Variants in RAPGEF1 observed in about 807,000 individuals in gnomAD.
RAPGEF1 encodes the protein Rap guanine nucleotide exchange factor 1.
Under a neutral mutation model 143.3 loss-of-function variants are expected in RAPGEF1, and 33 were observed. That is an observed-to-expected ratio of 0.23 (90% confidence interval 0.17 to 0.31). The LOEUF (loss-of-function observed/expected upper bound fraction) is 0.31, where lower values mean the gene tolerates loss of function less well. RAPGEF1 is among the 10% of genes least tolerant of loss of function. RAPGEF1 has a pLI of 1.00. For missense variants in RAPGEF1, 1,199 were observed against 1,645.4 expected, an observed-to-expected ratio of 0.73 and a Z score of 4.69; for synonymous variants, 629 against 676.5, an observed-to-expected ratio of 0.93 and a Z score of 1.09.
In RAPGEF1 at chr9:131,590,111, A is replaced by G; in HGVS notation, c.2775-133T>C. 1.9e-5 allele frequency: 15 copies of G among 777,700 alleles called. No individual in the cohort carries two copies. The South Asian group carries it at 2.2e-4, about 11-fold the overall frequency. The allele number at this position is 777,700 out of a possible 1,614,324, so 48.2% of individuals were successfully genotyped here. On this transcript the variant is annotated intron_variant, in intron 18 of 26. Coordinates refer to ENST00000683357, the MANE Select transcript of RAPGEF1 (RefSeq NM_001377935.1). ...TGCATGTAAAGCACTGGCATCCAGA[A>G]ACGAGGGCACGGGACTAGCGCAGTG...
intron 1 of RAPGEF1, among the ~76,000 whole-genome samples, chr9:131,737,070 A>G (rs995943690): frequency 5.9e-5 from 9 of 152,222 alleles, no homozygotes; most frequent in Non-Finnish European, 1.3e-4. Context: ...CTTCCTTGGC[A>G]GTTGTAATCT....
At chr9:131,673,606 T>G (rs139946319) in intron 1 of RAPGEF1, among the ~76,000 whole-genome samples, 1 of 152,228 alleles carries the variant, frequency 6.6e-6, no homozygotes, top group African/African-American at 2.4e-5. Flanking sequence ...CTGAGGACCC[T>G]GTGACCCAAA....
At chr9:131,719,878 C>CTT (rs200441011) in intron 1 of RAPGEF1, among the ~76,000 whole-genome samples, 1 of 140,308 alleles carries the variant, frequency 7.1e-6, no homozygotes. Flanking sequence ...TTCTTCTTTT[C>CTT]TTTCTTTCTT....
At chr9:131,659,147 T>C (rs1251353458) in intron 1 of RAPGEF1, among the ~76,000 whole-genome samples, 4 of 152,234 alleles carry the variant, frequency 2.6e-5, no homozygotes, top group South Asian at 2.1e-4. Flanking sequence ...ATTTTCCAAA[T>C]GCATAAAAAG....
At chr9:131,644,559 G>C (rs998007275) in intron 3 of RAPGEF1, among the ~76,000 whole-genome samples, 13 of 151,870 alleles carry the variant, frequency 8.6e-5, no homozygotes, top group African/African-American at 3.1e-4. Flanking sequence ...AAAAACTGAG[G>C]GCAAGAAGAT....
intron 1 of RAPGEF1, among the ~76,000 whole-genome samples, chr9:131,718,099 C>T (rs1023621088): frequency 1.3e-5 from 2 of 152,164 alleles, no homozygotes; most frequent in Admixed American, 1.3e-4. Flanking sequence ...AACGGTGGCA[C>T]CAGCAGCCTT....
At chr9:131,677,429 C>T (rs1333911087) in intron 1 of RAPGEF1, among the ~76,000 whole-genome samples, 1 of 152,158 alleles carries the variant, frequency 6.6e-6, no homozygotes, top group Non-Finnish European at 1.5e-5. Context: ...TGGAAAATTT[C>T]TAGAAGGAAA....
At chr9:131,715,321 C>T (rs1267419898) in intron 1 of RAPGEF1, among the ~76,000 whole-genome samples, 1 of 151,992 alleles carries the variant, frequency 6.6e-6, no homozygotes, top group African/African-American at 2.4e-5. Context: ...AGCTGGAAGT[C>T]AGGGAAGGGT....
chr9:131,736,306 T>C (rs1224994030), intron 1 of RAPGEF1, among the ~76,000 whole-genome samples: 4 of 152,186 alleles, frequency 2.6e-5, no homozygotes, highest in African/African-American at 4.8e-5. Context: ...AAGCCTCCCC[T>C]GCATCCCAGC....
chr9:131,645,748 T>C (rs1003797524), intron 3 of RAPGEF1, among the ~76,000 whole-genome samples: 3 of 152,208 alleles, frequency 2.0e-5, no homozygotes, highest in Non-Finnish European at 4.4e-5. Context: ...CGAGGGCAGG[T>C]GCGTTCACCT....
At chr9:131,629,379 G>T (rs538147371) in intron 6 of RAPGEF1, 125 bp from the exon 7 acceptor site, 2 of 979,560 alleles carry the variant, frequency 2.0e-6, no homozygotes, top group Non-Finnish European at 3.0e-6. Flanking sequence ...TGAAGAGCAG[G>T]CTCCCTGGAT....
At chr9:131,654,874 G>C (rs1972038498) in intron 1 of RAPGEF1, among the ~76,000 whole-genome samples, 1 of 152,136 alleles carries the variant, frequency 6.6e-6, no homozygotes, top group Admixed American at 6.5e-5. Flanking sequence ...TTTAGTAACA[G>C]CAGAAATACT....
In RAPGEF1 at chr9:131,649,706, C is replaced by T. The variant is rs377032525; in HGVS notation, c.315+423G>A. On this transcript the variant is annotated intron_variant, in intron 3 of 26. Transcript: ENST00000683357. ...GCTCTGAGAGCACTTGGTTATGCGG[C>T]GGTCTCACTGCACTCCACCAGCCTT... Among the ~76,000 whole-genome samples, 51 of 152,288 alleles carry T rather than the reference C, an allele frequency of 3.3e-4. No homozygotes were observed. In the South Asian group the frequency reaches 9.3e-3, roughly 28 times the overall value.
intron 17 of RAPGEF1, among the ~76,000 whole-genome samples, chr9:131,595,674 C>G (rs939245237): frequency 8.8e-6 from 1 of 113,540 alleles, no homozygotes; most frequent in Non-Finnish European, 1.8e-5. Flanking sequence ...CACCTCCTTT[C>G]CAGAGCATGA....
At chr9:131,616,350 C>T (rs934651466) in intron 12 of RAPGEF1, among the ~76,000 whole-genome samples, 6 of 152,150 alleles carry the variant, frequency 3.9e-5, no homozygotes, top group Admixed American at 6.5e-5. Flanking sequence ...TTTGGTTCTG[C>T]GCAGGCTTCA....
intron 16 of RAPGEF1, among the ~76,000 whole-genome samples, chr9:131,596,816 G>T (rs1955381122): frequency 6.6e-6 from 1 of 152,186 alleles, no homozygotes; most frequent in African/African-American, 2.4e-5. Context: ...GCATGTTCAT[G>T]TTCCCCAAAA....
chr9:131,634,578 T>C (rs2133161942), intron 5 of RAPGEF1, among the ~76,000 whole-genome samples: 2 of 151,166 alleles, frequency 1.3e-5, no homozygotes, highest in South Asian at 4.2e-4. Context: ...CTGGGCATGG[T>C]TGTACGCGCC....
intron 17 of RAPGEF1, 21 bp downstream of exon 17, chr9:131,596,277 G>A: frequency 6.2e-7 from 1 of 1,612,860 alleles, no homozygotes; most frequent in Non-Finnish European, 8.5e-7. Flanking sequence ...CCCCAATCTA[G>A]TGAGCTCACT....
At chr9:131,588,753 G>A (rs1285955288) in intron 20 of RAPGEF1, 48 bp downstream of exon 20, 1 of 1,545,892 alleles carries the variant, frequency 6.5e-7, no homozygotes, top group Non-Finnish European at 8.8e-7. Flanking sequence ...AACTGAGAAA[G>A]GCACGGCTCC....
Sources: gnomAD v4.1 joint callset for allele counts (sites outside exome capture counted in the v4.1 genomes callset) on GRCh38, gnomAD v4.1.1 for gene constraint, MANE v1.5 for transcripts, NCBI Gene and HGNC (gene_info 2026-07-23, HGNC 2026-07-21) for gene names.